The following ZNF131 variants were observed in gnomAD, a reference collection of about 807,000 sequenced individuals.
ZNF131 encodes the protein zinc finger and BTB domain containing 35.
ZNF131 carries 7 observed loss-of-function variants against 60.0 expected under a neutral mutation model. The ratio of observed to expected loss-of-function variants is 0.12; its 90% confidence interval spans 0.07 to 0.22. ZNF131 has a LOEUF of 0.22. Among genes scored for constraint, ZNF131 ranks in the 10% least tolerant of loss-of-function variants. ZNF131 has a pLI of 1.00. For synonymous variants in ZNF131, 257 were observed against 253.2 expected (o/e 1.01, Z -0.14); for missense variants, 493 against 740.9 (o/e 0.67, Z 3.88).
chr5:43,140,824 C>G (rs1561406658), intron 4 of ZNF131, among the ~76,000 whole-genome samples: 1 of 152,278 alleles, frequency 6.6e-6, no homozygotes, highest in Non-Finnish European at 1.5e-5. Context: ...TCAAGCAATT[C>G]TCCCTGTCTC....
At chr5:43,132,859 AATGATATT>A (rs1464805052) in intron 3 of ZNF131, among the ~76,000 whole-genome samples, 1 of 152,096 alleles carries the variant, frequency 6.6e-6, no homozygotes, top group Non-Finnish European at 1.5e-5. Context: ...TGAACACTTA[AATGATATT>A]CCACCAGCAT....
At chr5:43,144,256 T>C (rs1404903831) in intron 4 of ZNF131, among the ~76,000 whole-genome samples, 6 of 121,224 alleles carry the variant, frequency 4.9e-5, no homozygotes, top group East Asian at 2.6e-4. Context: ...TTTTTTTTTT[T>C]TTTTTTTTTT....
At chr5:43,128,530 A>ACCT (rs1561388471) in intron 3 of ZNF131, among the ~76,000 whole-genome samples, 1 of 151,782 alleles carries the variant, frequency 6.6e-6, no homozygotes, top group East Asian at 1.9e-4. Flanking sequence ...GGTGGTGGGC[A>ACCT]CCTGTAGTCC....
chr5:43,159,620 G>A (rs189272950), intron 4 of ZNF131, among the ~76,000 whole-genome samples: 103 of 151,038 alleles, frequency 6.8e-4, no homozygotes, highest in African/African-American at 2.4e-3. Flanking sequence ...ACTTGAACCC[G>A]GGAGGCAGAG....
rs71627581 is a variant in ZNF131 at position 43,161,249 on chromosome 5, G to A, written c.372G>A (p.Arg124=). 0.097 allele frequency: 154,505 copies of A among 1,588,386 alleles called. 8,956 individuals carry two copies. The highest frequency in any genetic ancestry group is 0.11 in the Non-Finnish European group (129,968 of 1,170,632). ...TAAACCCCTACATTATGTATTTCAG[G>A]AACAAAGAAAACTCAGCTCCCTTAG... The part of the protein sequence containing the change: ...MLEAIKALEV[R]NKENSAPLEE... Residue 124 remains arginine, a splice_region_variant and synonymous_variant, in exon 5 of 7, where the codon AGG becomes AGA. Transcript: ENST00000682664.
At chr5:43,128,482 C>T (rs1374762715) in intron 3 of ZNF131, among the ~76,000 whole-genome samples, 3 of 151,738 alleles carry the variant, frequency 2.0e-5, no homozygotes, top group Non-Finnish European at 2.9e-5. Flanking sequence ...AGTGAAACCC[C>T]GTCTCTACTA....
chr5:43,126,634 C>G (rs539638817), intron 3 of ZNF131, among the ~76,000 whole-genome samples: 1 of 152,248 alleles, frequency 6.6e-6, no homozygotes, highest in South Asian at 2.1e-4. Flanking sequence ...TAGAGGGGCT[C>G]ATTTCCTGAA....
intron 4 of ZNF131, among the ~76,000 whole-genome samples, chr5:43,145,207 A>C (rs1272637147): frequency 6.6e-6 from 1 of 152,080 alleles, no homozygotes; most frequent in Non-Finnish European, 1.5e-5. Context: ...CTTGCTGTTC[A>C]GTTGTGAATA....
intron 3 of ZNF131, among the ~76,000 whole-genome samples, chr5:43,136,462 CTAGAGGCATCATACTTTTTTTT>C (rs1746098633): frequency 7.2e-6 from 1 of 139,112 alleles, no homozygotes; most frequent in Non-Finnish European, 1.5e-5. Flanking sequence ...AAGAACAAAG[CTAGAGGCATCATACTTTTTTTT>C]TTTTTTTTTT....
chr5:43,125,311 T>A (rs1744385543), intron 3 of ZNF131, among the ~76,000 whole-genome samples: 2 of 151,762 alleles, frequency 1.3e-5, no homozygotes, highest in Non-Finnish European at 2.9e-5. Context: ...TTTTTTTCTT[T>A]TTTTTGGAGA....
chr5:43,130,205 A>C (rs1579723716), intron 3 of ZNF131, among the ~76,000 whole-genome samples: 2 of 146,558 alleles, frequency 1.4e-5, no homozygotes, highest in South Asian at 4.5e-4. Flanking sequence ...TGGAGATTGC[A>C]GTGAGCTGAG....
At chr5:43,133,789 A>G (rs1238506435) in intron 3 of ZNF131, among the ~76,000 whole-genome samples, 1 of 152,214 alleles carries the variant, frequency 6.6e-6, no homozygotes, top group African/African-American at 2.4e-5. Flanking sequence ...CCACATGCTT[A>G]GTGTTCAAAT....
intron 5 of ZNF131, among the ~76,000 whole-genome samples, chr5:43,168,817 AG>A (rs1330312375): frequency 7.9e-5 from 12 of 152,328 alleles, no homozygotes; most frequent in African/African-American, 2.6e-4. Context: ...GAGTAACATT[AG>A]GTAGCCTGGA....
chr5:43,129,844 G>A (rs13159390), intron 3 of ZNF131, among the ~76,000 whole-genome samples: 14,750 of 152,004 alleles, frequency 0.097, 850 homozygotes, highest in East Asian at 0.19. Flanking sequence ...TAGTAGAGAC[G>A]GCGGGGTTTC....
At chr5:43,147,969 A>G (rs13172378) in intron 4 of ZNF131, among the ~76,000 whole-genome samples, 14,611 of 149,970 alleles carry the variant, frequency 0.097, 844 homozygotes, top group East Asian at 0.19. Context: ...CAGGAGAATC[A>G]CTTGAACTTG....
chr5:43,152,493 T>C (rs1748450533), intron 4 of ZNF131, among the ~76,000 whole-genome samples: 1 of 152,204 alleles, frequency 6.6e-6, no homozygotes, highest in Non-Finnish European at 1.5e-5. Flanking sequence ...TGGCAGGGAA[T>C]GGCAAACACA....
intron 4 of ZNF131, among the ~76,000 whole-genome samples, chr5:43,156,585 C>T (rs1466206621): frequency 6.6e-6 from 1 of 152,208 alleles, no homozygotes; most frequent in Non-Finnish European, 1.5e-5. Flanking sequence ...CACCCAATGA[C>T]CTCAGTCAGT....
intron 4 of ZNF131, among the ~76,000 whole-genome samples, chr5:43,145,082 T>C (rs957208871): frequency 3.1e-4 from 47 of 152,244 alleles, no homozygotes; most frequent in Non-Finnish European, 1.9e-4. Flanking sequence ...ATGTGTTTTT[T>C]TCATCTTCAG....
intron 4 of ZNF131, among the ~76,000 whole-genome samples, chr5:43,158,659 G>A (rs1749260732): frequency 6.6e-6 from 1 of 152,136 alleles, no homozygotes; most frequent in African/African-American, 2.4e-5. Context: ...GATATTAGGG[G>A]CCAAGACTTC....
Sources: allele counts gnomAD v4.1 joint callset (sites outside exome capture counted in the v4.1 genomes callset), GRCh38; gene constraint gnomAD v4.1.1; transcripts MANE v1.5; gene names NCBI Gene and HGNC (gene_info 2026-07-23, HGNC 2026-07-21).